The following ASB5 variants were observed in gnomAD, a reference collection of about 807,000 sequenced individuals.
The protein encoded by ASB5 is ankyrin repeat and SOCS box protein 5.
In ASB5, 45 loss-of-function variants were observed where a neutral mutation model predicts 42.1. The ratio of observed to expected loss-of-function variants is 1.07; its 90% CI spans 0.84 to 1.37. ASB5 has a LOEUF of 1.37. ASB5 is among the 40% of genes most tolerant of loss of function. ASB5 has a pLI of 0.00. For missense variants in ASB5, 402 were observed against 399.8 expected (o/e 1.01, Z -0.05); for synonymous variants, 147 against 150.6 (o/e 0.98, Z 0.18).
intron 1 of ASB5, among the ~76,000 whole-genome samples, chr4:176,248,768 T>C (rs1753960975): frequency 6.6e-6 from 1 of 152,084 alleles, no homozygotes; most frequent in Admixed American, 6.5e-5. Context: ...GGTTCAAAAA[T>C]AGGTTAAACC....
intron 1 of ASB5, among the ~76,000 whole-genome samples, chr4:176,239,295 AAATT>A (rs1340153052): frequency 2.6e-5 from 4 of 152,318 alleles, no homozygotes; most frequent in South Asian, 2.1e-4. Flanking sequence ...GTTTAAAATT[AAATT>A]AATTAAAAGA....
intron 1 of ASB5, among the ~76,000 whole-genome samples, chr4:176,260,710 G>T: frequency 6.6e-6 from 1 of 152,144 alleles, no homozygotes; most frequent in Non-Finnish European, 1.5e-5. Flanking sequence ...ACGGAGTCTA[G>T]CTCTGTTGCC....
At chr4:176,216,111 T>C (rs1467514329) in intron 6 of ASB5, among the ~76,000 whole-genome samples, 1 of 152,148 alleles carries the variant, frequency 6.6e-6, no homozygotes, top group Non-Finnish European at 1.5e-5. Flanking sequence ...TTATAGTCCC[T>C]GGACTAGGAT....
chr4:176,226,354 T>C (rs4690670), intron 1 of ASB5, among the ~76,000 whole-genome samples: 136,700 of 152,106 alleles, frequency 0.9, 61,658 homozygotes, highest in Non-Finnish European at 0.94. Context: ...ACTTCAGTGG[T>C]CCCCTGGATT....
chr4:176,263,856 CTAAAG>C (rs2126977728), intron 1 of ASB5, among the ~76,000 whole-genome samples: 2 of 152,110 alleles, frequency 1.3e-5, no homozygotes, highest in East Asian at 3.9e-4. Context: ...AGCTAAATTC[CTAAAG>C]TTGCTTTTAA....
At chr4:176,254,084 C>A (rs1754099812) in intron 1 of ASB5, among the ~76,000 whole-genome samples, 1 of 152,016 alleles carries the variant, frequency 6.6e-6, no homozygotes. Context: ...AACTATGGAA[C>A]CAAAAAAGAG....
At position 176,214,117 on chromosome 4, in the gene ASB5, T is replaced by A. The variant is rs920756799; in HGVS notation, c.*1483A>T. 6.6e-6 allele frequency: 1 copy of A among 152,124 alleles called. No homozygotes were observed. The highest frequency in any genetic ancestry group is 6.6e-5 in the Admixed American group (1 of 15,256). 9.4% of individuals were successfully genotyped at this position (152,124 alleles called of 1,614,324 possible). On this transcript the variant is annotated 3_prime_UTR_variant, in exon 7 of 7. Transcript: ENST00000296525. ...ACAGCTTTATTTCTATGTTTGAAAATCTCAACAAACGTTTTAAATCACAAC... is the reference window on the plus strand; with the variant it reads ...ACAGCTTTATTTCTATGTTTGAAAAACTCAACAAACGTTTTAAATCACAAC...
At chr4:176,229,086 A>C (rs962924301) in intron 1 of ASB5, among the ~76,000 whole-genome samples, 2 of 152,220 alleles carry the variant, frequency 1.3e-5, no homozygotes, top group Non-Finnish European at 2.9e-5. Context: ...TCAATGCCTA[A>C]ATGTGTTTAA....
Position 176,215,641 on chromosome 4 carries a change from G to A in ASB5, c.949C>T (p.Gln317Ter). Residue 317 changes from glutamine to a stop codon, truncating the protein, a stop_gained, in exon 7 of 7, where the codon CAG becomes TAG. Coordinates refer to ENST00000296525, the MANE Select transcript of ASB5 (RefSeq NM_080874.4). LOFTEE classifies it high-confidence loss of function. ...AAATTCTTCAGTAACGTTGGCAGCTGGAGTTGTGGGATAAGGTGCAATCTT... is the reference window on the plus strand; with the variant it reads ...AAATTCTTCAGTAACGTTGGCAGCTAGAGTTGTGGGATAAGGTGCAATCTT... ...KPRLHLIPQLQLPTLLKNFLQ... is the reference protein window; with the variant it reads ...KPRLHLIPQL 1 of 1,613,062 alleles carries A rather than the reference G, an allele frequency of 6.2e-7. No individual in the cohort carries two copies. The highest frequency in any genetic ancestry group is 8.5e-7 in the Non-Finnish European group (1 of 1,179,400).
upstream of ASB5, among the ~76,000 whole-genome samples, chr4:176,272,130 C>T (rs1227935293): frequency 6.6e-6 from 1 of 152,164 alleles, no homozygotes; most frequent in African/African-American, 2.4e-5. Context: ...GGGGCTAATA[C>T]TGTTGGACTA....
In ASB5 at chr4:176,216,901, T is replaced by C. The variant is rs202130919; in HGVS notation, c.779A>G (p.Asn260Ser). 298 of 1,614,152 alleles carry C rather than the reference T, an allele frequency of 1.8e-4. 1 individual carries two copies. Among genetic ancestry groups the C allele is most frequent in the Middle Eastern group, 1.2e-3 (7 of 6,058 alleles). ...TCGCAGAAGCTCTGTATTTTTGGCA[T>C]TGATATCTGCTCCAAATTCTAGCAG... Reference protein sequence around the residue: ...NLLLEFGADINAKNTELLRPI... With the variant: ...NLLLEFGADISAKNTELLRPI... Residue 260 changes from asparagine to serine, a missense_variant, in exon 6 of 7, where the codon AAT (asparagine) becomes AGT (serine). Transcript: ENST00000296525.
At chr4:176,251,206 T>C (rs967466763) in intron 1 of ASB5, among the ~76,000 whole-genome samples, 1 of 149,678 alleles carries the variant, frequency 6.7e-6, no homozygotes, top group Non-Finnish European at 1.5e-5. Context: ...CTGACAGCAG[T>C]TGGGACGTTT....
intron 1 of ASB5, among the ~76,000 whole-genome samples, chr4:176,255,801 C>T (rs1469343932): frequency 4.6e-5 from 7 of 152,134 alleles, no homozygotes; most frequent in Admixed American, 3.9e-4. Context: ...TAACCCAAAC[C>T]TCAGCATCAT....
At chr4:176,248,543 A>T (rs953021613) in intron 1 of ASB5, among the ~76,000 whole-genome samples, 10 of 152,202 alleles carry the variant, frequency 6.6e-5, no homozygotes, top group African/African-American at 2.4e-4. Flanking sequence ...GGAGATACAC[A>T]GGCCCTATGA....
At chr4:176,256,044 AG>A (rs1055000286) in intron 1 of ASB5, among the ~76,000 whole-genome samples, 8 of 152,214 alleles carry the variant, frequency 5.3e-5, no homozygotes, top group African/African-American at 1.9e-4. Flanking sequence ...TGAAACTTTT[AG>A]GGGCTGTCAT....
At chr4:176,274,909 ATTTT>A (rs35690692) in intron 2 of ASB5, among the ~76,000 whole-genome samples, 20 of 106,304 alleles carry the variant, frequency 1.9e-4, no homozygotes, top group African/African-American at 7.3e-4. Flanking sequence ...CAGCATAGCA[ATTTT>A]TTTTTTTTTT....
intron 6 of ASB5, 49 bp downstream of exon 6, chr4:176,216,769 T>C (rs1752981441): frequency 6.9e-7 from 1 of 1,451,538 alleles, no homozygotes; most frequent in Non-Finnish European, 9.3e-7. Context: ...TCATCTATTT[T>C]AGGCAAATAT....
chr4:176,266,320 G>C (rs975956593), intron 1 of ASB5, among the ~76,000 whole-genome samples: 3 of 152,218 alleles, frequency 2.0e-5, no homozygotes, highest in African/African-American at 7.2e-5. Flanking sequence ...AAATGTTGGG[G>C]AGCAGTCTGG....
chr4:176,276,341 T>C (rs916755589), intron 1 of ASB5, among the ~76,000 whole-genome samples: 1 of 152,200 alleles, frequency 6.6e-6, no homozygotes, highest in African/African-American at 2.4e-5. Flanking sequence ...TAGTGAAATG[T>C]CCAACTTCCA....
Sources: allele counts gnomAD v4.1 joint callset (sites outside exome capture counted in the v4.1 genomes callset), GRCh38; gene constraint gnomAD v4.1.1; transcripts MANE v1.5; gene names NCBI Gene and HGNC (gene_info 2026-07-23, HGNC 2026-07-21).